Variants in UNC5C observed in about 807,000 individuals in gnomAD.
UNC5C encodes unc-5 netrin receptor C.
In UNC5C, 47 loss-of-function variants were observed where a neutral mutation model predicts 99.8. The observed-to-expected ratio is 0.47, with a 90% CI of 0.37 to 0.60. The LOEUF is 0.60. Ranked by LOEUF, UNC5C falls within the 20% of genes least tolerant of loss-of-function variation. The probability of loss-of-function intolerance (pLI) is 0.00; values close to 1 mark genes in which losing one functional copy is unlikely to be tolerated. For synonymous variants in UNC5C, 487 were observed against 452.2 expected (o/e 1.08, Z -0.98); for missense variants, 1,062 against 1,165.9 (o/e 0.91, Z 1.30).
At chr4:95,382,149 A>G (rs1745090987) in intron 1 of UNC5C, among the ~76,000 whole-genome samples, 1 of 151,812 alleles carries the variant, frequency 6.6e-6, no homozygotes, top group South Asian at 2.1e-4. Context: ...CCCTTCAGGA[A>G]CATATTTAAG....
chr4:95,259,409 T>C (rs17352477), intron 4 of UNC5C, among the ~76,000 whole-genome samples: 9,024 of 152,264 alleles, frequency 0.059, 324 homozygotes, highest in Middle Eastern at 0.092. Context: ...ATGGTGTTAA[T>C]CTAAAAACTA....
At chr4:95,545,056 G>A (rs1723021790) in intron 1 of UNC5C, among the ~76,000 whole-genome samples, 1 of 152,192 alleles carries the variant, frequency 6.6e-6, no homozygotes, top group South Asian at 2.1e-4. Context: ...TAAGCTAACA[G>A]GGTTTACTTA....
intron 1 of UNC5C, among the ~76,000 whole-genome samples, chr4:95,392,054 C>T (rs905081841): frequency 2.2e-4 from 33 of 151,994 alleles, no homozygotes; most frequent in Non-Finnish European, 8.8e-5. Context: ...GAGACTCCAT[C>T]TCAAAATAAA....
At chr4:95,225,295 T>C (rs190922385) in intron 7 of UNC5C, among the ~76,000 whole-genome samples, 1 of 152,284 alleles carries the variant, frequency 6.6e-6, no homozygotes, top group Admixed American at 6.5e-5. Context: ...GGGCTCAAGC[T>C]ATCTGCCCAC....
chr4:95,240,590 C>T (rs1739293147), intron 7 of UNC5C, among the ~76,000 whole-genome samples: 1 of 152,054 alleles, frequency 6.6e-6, no homozygotes. Flanking sequence ...AAAATGTTTC[C>T]ATCAAACAAG....
chr4:95,524,271 C>T (rs1475300089), intron 1 of UNC5C, among the ~76,000 whole-genome samples: 1 of 152,172 alleles, frequency 6.6e-6, no homozygotes, highest in Non-Finnish European at 1.5e-5. Context: ...TGGTACATTA[C>T]TTCAAACTGG....
intron 1 of UNC5C, among the ~76,000 whole-genome samples, chr4:95,545,767 C>T (rs577761010): frequency 1.1e-4 from 16 of 139,202 alleles, no homozygotes; most frequent in East Asian, 6.3e-4. Context: ...CACACGCGCG[C>T]GCGCGCACAC....
At chr4:95,421,643 C>CACA (rs1253250169) in intron 1 of UNC5C, among the ~76,000 whole-genome samples, 2 of 151,562 alleles carry the variant, frequency 1.3e-5, no homozygotes, top group Non-Finnish European at 2.9e-5. Flanking sequence ...CACACACACA[C>CACA]TGCTAATTGT....
intron 1 of UNC5C, among the ~76,000 whole-genome samples, chr4:95,339,372 G>C (rs1743470679): frequency 6.6e-6 from 1 of 151,886 alleles, no homozygotes; most frequent in South Asian, 2.1e-4. Flanking sequence ...AACCCATGGG[G>C]ATAAGAAAAT....
intron 1 of UNC5C, among the ~76,000 whole-genome samples, chr4:95,428,600 G>A (rs1176901362): frequency 6.6e-6 from 1 of 152,070 alleles, no homozygotes; most frequent in Non-Finnish European, 1.5e-5. Flanking sequence ...TGCTGCACAG[G>A]ACATGTGATG....
intron 10 of UNC5C, among the ~76,000 whole-genome samples, chr4:95,214,196 CAG>C (rs996754015): frequency 2.0e-5 from 3 of 152,312 alleles, no homozygotes; most frequent in East Asian, 1.9e-4. Context: ...TGGTTCATAA[CAG>C]AAAACTAGTG....
chr4:95,198,811 G>A (rs1737537181), intron 12 of UNC5C, among the ~76,000 whole-genome samples: 2 of 152,200 alleles, frequency 1.3e-5, no homozygotes, highest in African/African-American at 2.4e-5. Context: ...GTTAATGAGA[G>A]CAGGTGGAGC....
At chr4:95,277,381 G>A (rs2149393785) in intron 4 of UNC5C, among the ~76,000 whole-genome samples, 1 of 152,310 alleles carries the variant, frequency 6.6e-6, no homozygotes, top group African/African-American at 2.4e-5. Context: ...TGTGTGCTTG[G>A]ACTTGTAGGA....
chr4:95,335,844 G>A (rs1579335606), intron 1 of UNC5C, among the ~76,000 whole-genome samples: 1 of 151,836 alleles, frequency 6.6e-6, no homozygotes, highest in South Asian at 2.1e-4. Context: ...TCAACATCAG[G>A]GAGGATAAGT....
rs1449674409 is a variant in UNC5C, at chr4:95,183,183, C to T, written c.2287-122G>A. 2.3e-5 allele frequency: 22 copies of T among 975,562 alleles called. No homozygotes were observed. In the African/African-American group the frequency reaches 3.1e-4, roughly 14 times the overall value. 60.4% of individuals were successfully genotyped at this position (975,562 alleles called of 1,614,324 possible). On this transcript the variant is annotated intron_variant, in intron 13 of 15. Transcript: ENST00000453304. Reference sequence around the variant, plus strand: ...GGCCTCATTTAATCCTCACAACAGCCCTATGTTTAAGTACATCCTGGACCC... The same window carrying T: ...GGCCTCATTTAATCCTCACAACAGCTCTATGTTTAAGTACATCCTGGACCC...
chr4:95,182,824 C>G, intron 14 of UNC5C, 73 bp downstream of exon 14: 3 of 1,513,722 alleles, frequency 2.0e-6, no homozygotes, highest in South Asian at 1.3e-5. Flanking sequence ...TTGAGATACC[C>G]TTTTAGCCCA....
chr4:95,267,967 T>TTTTTTTTTTA (rs1439686260), intron 4 of UNC5C, among the ~76,000 whole-genome samples: 2 of 148,476 alleles, frequency 1.3e-5, no homozygotes, highest in East Asian at 2.0e-4. Context: ...TTTTTTTTTT[T>TTTTTTTTTTA]GAGACGGAGT....
intron 12 of UNC5C, among the ~76,000 whole-genome samples, chr4:95,189,371 C>T (rs998768579): frequency 2.6e-5 from 4 of 152,212 alleles, no homozygotes; most frequent in African/African-American, 4.8e-5. Context: ...ACTGCAGCCT[C>T]GACCTCTGTG....
At chr4:95,366,750 C>A (rs1744584476) in intron 1 of UNC5C, among the ~76,000 whole-genome samples, 1 of 152,082 alleles carries the variant, frequency 6.6e-6, no homozygotes, top group African/African-American at 2.4e-5. Flanking sequence ...GGTTTTGTTT[C>A]TTTTTTAATT....
Sources: allele counts gnomAD v4.1 joint callset (sites outside exome capture counted in the v4.1 genomes callset), GRCh38; gene constraint gnomAD v4.1.1; transcripts MANE v1.5; gene names NCBI Gene and HGNC (gene_info 2026-07-23, HGNC 2026-07-21).